Variants in GABRG3 observed in about 807,000 individuals in gnomAD.
GABRG3 encodes the protein gamma-aminobutyric acid receptor subunit gamma-3.
GABRG3 carries 25 observed loss-of-function variants against 48.8 expected under a neutral mutation model. The observed-to-expected ratio is 0.51, with a 90% CI of 0.37 to 0.72. The LOEUF (loss-of-function observed/expected upper bound fraction) is 0.72, where lower values mean the gene tolerates loss of function less well. GABRG3 is among the 30% of genes least tolerant of loss of function. The pLI is 0.00. For missense variants in GABRG3, 394 were observed against 577.9 expected, an observed-to-expected ratio of 0.68 and a Z score of 3.26; for synonymous variants, 227 against 217.6, an observed-to-expected ratio of 1.04 and a Z score of -0.38.
intron 3 of GABRG3, among the ~76,000 whole-genome samples, chr15:27,216,773 TTTTA>T (rs1566968491): frequency 8.5e-6 from 1 of 117,590 alleles, no homozygotes; most frequent in East Asian, 3.6e-4. Flanking sequence ...TTTATTTATT[TTTTA>T]ATTTTTTTTT....
intron 5 of GABRG3, among the ~76,000 whole-genome samples, chr15:27,351,784 G>C (rs1894615544): frequency 6.6e-6 from 1 of 150,614 alleles, no homozygotes; most frequent in East Asian, 2.0e-4. Flanking sequence ...GTGTTTGTGT[G>C]TATGGTGTCT....
At chr15:27,007,395 A>T (rs1895606925) in intron 2 of GABRG3, among the ~76,000 whole-genome samples, 1 of 152,228 alleles carries the variant, frequency 6.6e-6, no homozygotes, top group Non-Finnish European at 1.5e-5. Flanking sequence ...ATGTGTCTTT[A>T]TAGTAGAATG....
chr15:27,342,653 T>C (rs1894224340), intron 5 of GABRG3, among the ~76,000 whole-genome samples: 1 of 152,284 alleles, frequency 6.6e-6, no homozygotes, highest in Non-Finnish European at 1.5e-5. Context: ...TGGAACATTC[T>C]TCATCAGAGT....
intron 3 of GABRG3, among the ~76,000 whole-genome samples, chr15:27,066,828 G>A (rs1329067032): frequency 6.6e-6 from 1 of 152,162 alleles, no homozygotes; most frequent in East Asian, 1.9e-4. Flanking sequence ...TCAAGTTCTA[G>A]GAGTGAAGAA....
intron 5 of GABRG3, among the ~76,000 whole-genome samples, chr15:27,398,357 C>G (rs1887377816): frequency 6.6e-6 from 1 of 152,108 alleles, no homozygotes; most frequent in South Asian, 2.1e-4. Context: ...GAAAACCATG[C>G]TTATTAAATT....
chr15:27,439,190 G>T (rs1223575539), intron 5 of GABRG3, among the ~76,000 whole-genome samples: 1 of 152,188 alleles, frequency 6.6e-6, no homozygotes, highest in East Asian at 1.9e-4. Context: ...CCAAACGGGA[G>T]ATGAATCATG....
intron 3 of GABRG3, among the ~76,000 whole-genome samples, chr15:27,217,691 G>A (rs992116935): frequency 3.3e-5 from 5 of 152,162 alleles, no homozygotes; most frequent in African/African-American, 7.2e-5. Flanking sequence ...CTCTCACTAC[G>A]ATTTGAGTCA....
In GABRG3 at chr15:27,092,313, T is replaced by G. The variant is rs1277954355; in HGVS notation, c.270+65492T>G. On this transcript the variant is annotated intron_variant, in intron 3 of 9. Coordinates refer to ENST00000615808, the MANE Select transcript of GABRG3 (RefSeq NM_033223.5). ...AGATTTGAGTCTTATAAAGAATGCT[T>G]CTTTGTGTGTGTGCATTTCCAAATA... 2.0e-5 allele frequency among the ~76,000 whole-genome samples: 3 copies of G among 152,298 alleles called. No homozygotes were observed. The East Asian group carries it at 5.8e-4, about 29-fold the overall frequency.
At position 27,308,207 on chromosome 15, in the gene GABRG3, T is replaced by G. The variant is rs1443782652; in HGVS notation, c.271-18602T>G. On this transcript the variant is annotated intron_variant, in intron 3 of 9. Coordinates refer to ENST00000615808, the MANE Select transcript of GABRG3 (RefSeq NM_033223.5). ...AAACATATATAAACATGTTTATATA[T>G]CCAAACATATATAAACATGTTTATA... Among the ~76,000 whole-genome samples, 121 of 54,984 alleles carry G rather than the reference T, an allele frequency of 2.2e-3. 37 individuals are homozygous for G. The highest frequency in any genetic ancestry group is 8.4e-3 in the African/African-American group (114 of 13,526). The allele number at this position is 54,984 out of a possible 152,430, so 36.1% of individuals were successfully genotyped here. A position where few individuals can be genotyped will look rare whatever the true frequency, so the allele number is the denominator to read the frequency against.
rs1373537850 is a variant in GABRG3 at position 27,474,451 on chromosome 15, AGGAGG to A, written c.575-6198_575-6194del. ...TACCAAGAGAGGAAACAAATGGGAC[AGGAGG>A]TCTTTTCTAATGATTCAAAATTATC... is the stretch of plus-strand genomic sequence containing the variant. On this transcript the variant is annotated intron_variant, in intron 5 of 9. Coordinates refer to ENST00000615808, the MANE Select transcript of GABRG3 (RefSeq NM_033223.5). Among the ~76,000 whole-genome samples the A allele has an allele frequency of 2.0e-5, 3 of 152,218 alleles. No individual in the cohort carries two copies. The East Asian group carries it at 5.8e-4, about 29-fold the overall frequency.
At chr15:27,495,762 C>T (rs964529429) in intron 6 of GABRG3, among the ~76,000 whole-genome samples, 1 of 152,166 alleles carries the variant, frequency 6.6e-6, no homozygotes, top group Non-Finnish European at 1.5e-5. Context: ...CTTGTGAAAG[C>T]ATTTTTTGAG....
intron 6 of GABRG3, among the ~76,000 whole-genome samples, chr15:27,490,083 C>A (rs542828790): frequency 6.6e-6 from 1 of 152,242 alleles, no homozygotes; most frequent in East Asian, 1.9e-4. Flanking sequence ...TTTCAGTTTT[C>A]TGCATATGGC....
At chr15:27,485,539 A>G (rs1890200883) in intron 6 of GABRG3, among the ~76,000 whole-genome samples, 1 of 152,160 alleles carries the variant, frequency 6.6e-6, no homozygotes, top group Admixed American at 6.5e-5. Context: ...ATAGACTGAA[A>G]AACCTGTTAA....
chr15:27,345,096 A>G (rs1367783152), intron 5 of GABRG3, among the ~76,000 whole-genome samples: 1 of 152,176 alleles, frequency 6.6e-6, no homozygotes, highest in Non-Finnish European at 1.5e-5. Flanking sequence ...TTATGTTTAA[A>G]ATGAGTTTCT....
At chr15:27,396,826 A>T (rs185220897) in intron 5 of GABRG3, among the ~76,000 whole-genome samples, 1 of 152,356 alleles carries the variant, frequency 6.6e-6, no homozygotes, top group African/African-American at 2.4e-5. Context: ...TAACAAAAAT[A>T]GATGAATCTA....
At chr15:27,398,259 G>A (rs1365431135) in intron 5 of GABRG3, among the ~76,000 whole-genome samples, 1 of 152,096 alleles carries the variant, frequency 6.6e-6, no homozygotes, top group Non-Finnish European at 1.5e-5. Flanking sequence ...CTTACATTGT[G>A]CCTGATACAT....
chr15:27,374,473 T>G (rs1357092054), intron 5 of GABRG3, among the ~76,000 whole-genome samples: 1 of 152,184 alleles, frequency 6.6e-6, no homozygotes, highest in Non-Finnish European at 1.5e-5. Flanking sequence ...TAGGAATCTA[T>G]CTAATATTTT....
intron 5 of GABRG3, among the ~76,000 whole-genome samples, chr15:27,331,441 G>C (rs1180488011): frequency 6.6e-6 from 1 of 152,136 alleles, no homozygotes; most frequent in East Asian, 1.9e-4. Context: ...GCCATAAAGA[G>C]ACATGTAGGA....
intron 3 of GABRG3, among the ~76,000 whole-genome samples, chr15:27,160,596 A>T (rs1050156281): frequency 6.6e-6 from 1 of 151,674 alleles, no homozygotes; most frequent in African/African-American, 2.4e-5. Context: ...TTTCTGAAGG[A>T]TCTTTCTAAT....
Sources: allele counts gnomAD v4.1 joint callset (sites outside exome capture counted in the v4.1 genomes callset), GRCh38; gene constraint gnomAD v4.1.1; transcripts MANE v1.5; gene names NCBI Gene and HGNC (gene_info 2026-07-23, HGNC 2026-07-21).